The following ZSCAN5A variants were observed in gnomAD, a reference collection of about 807,000 sequenced individuals.
The protein encoded by ZSCAN5A is zinc finger and SCAN domain-containing protein 5A.
ZSCAN5A carries 12 observed loss-of-function variants against 23.7 expected under a neutral mutation model. The observed-to-expected ratio is 0.51, with a 90% CI of 0.32 to 0.82. The LOEUF is 0.82. Among genes scored for constraint, ZSCAN5A ranks in the 40% least tolerant of loss-of-function variants. The probability of loss-of-function intolerance (pLI) is 0.03; values close to 1 mark genes in which losing one functional copy is unlikely to be tolerated. For missense variants in ZSCAN5A, 597 were observed against 617.9 expected (o/e 0.97, Z 0.36); for synonymous variants, 257 against 239.9 (o/e 1.07, Z -0.66).
At chr19:56,270,714 G>C (rs2065003776) in intron 2 of ZSCAN5A, among the ~76,000 whole-genome samples, 1 of 151,754 alleles carries the variant, frequency 6.6e-6, no homozygotes, top group South Asian at 2.1e-4. Context: ...AGCACTAAAA[G>C]CTCATCACTT....
In ZSCAN5A at chr19:56,249,468, C is replaced by T. The variant is rs182740053; in HGVS notation, c.-127-24295G>A. 1.9e-3 allele frequency among the ~76,000 whole-genome samples: 289 copies of T among 152,288 alleles called. 1 individual carries two copies. Among genetic ancestry groups the T allele is most frequent in the African/African-American group, 6.5e-3 (271 of 41,556 alleles). Reference sequence around the variant, plus strand: ...TTTATTTTTAGTAGAGACAGGGTTTCGCCATGTTGGCCAGGCTGGTCTGGA... The same window carrying T: ...TTTATTTTTAGTAGAGACAGGGTTTTGCCATGTTGGCCAGGCTGGTCTGGA... On this transcript the variant is annotated intron_variant, in intron 2 of 5. Transcript: ENST00000683990.
Position 56,222,036 on chromosome 19 carries a change from GACTGAC to G in ZSCAN5A, c.1024_1029del (p.Val342_Ser343del), listed in dbSNP as rs1396834795. The G allele has an allele frequency of 5.9e-5, 96 of 1,614,114 alleles. No homozygotes were observed. The highest frequency in any genetic ancestry group is 8.1e-5 in the Non-Finnish European group (96 of 1,180,050). On this transcript the variant is annotated inframe_deletion, in exon 6 of 6. Coordinates refer to ENST00000683990, the MANE Select transcript of ZSCAN5A (RefSeq NM_001322064.3). ...GCCTTGGCTTCTTGGCCATCCGGGT[GACTGAC>G]TGGGCTCGCAGGGCCTGGGGAATGA... is the stretch of plus-strand genomic sequence containing the variant.
intron 2 of ZSCAN5A, chr19:56,266,551 G>A (rs1167190758): frequency 7.0e-6 from 1 of 141,882 alleles, no homozygotes; most frequent in African/African-American, 2.6e-5. Flanking sequence ...AGGCTGGAGA[G>A]CAGTGGCGCG....
intron 2 of ZSCAN5A, chr19:56,266,159 T>A (rs1329618637): frequency 6.6e-6 from 1 of 152,228 alleles, no homozygotes; most frequent in South Asian, 2.1e-4. Context: ...CTAATAGATA[T>A]GAAGTGCTTA....
intron 2 of ZSCAN5A, among the ~76,000 whole-genome samples, chr19:56,328,727 C>T (rs1376842178): frequency 3.3e-5 from 5 of 150,954 alleles, no homozygotes; most frequent in African/African-American, 9.8e-5. Context: ...TATGGCCAGG[C>T]GCGGTGGCTC....
At chr19:56,244,391 G>C in intron 2 of ZSCAN5A, 2 of 1,573,676 alleles carry the variant, frequency 1.3e-6, no homozygotes, top group Non-Finnish European at 1.7e-6. Flanking sequence ...AGACCTGGAG[G>C]ACCTGCTACG....
rs545966388 is a variant in ZSCAN5A at position 56,331,749 on chromosome 19, G to A, written c.-357-15481C>T. ...ATTACAGGCACCCGCCATCATGCCC[G>A]GCTAATTTTTGTATTTTGGTAGAGA... is the stretch of plus-strand genomic sequence containing the variant. On this transcript the variant is annotated intron_variant, in intron 2 of 6. Transcript: ENST00000587340. Among the ~76,000 whole-genome samples, 22 of 151,576 alleles carry A rather than the reference G, an allele frequency of 1.5e-4. No individual in the cohort carries two copies. In the South Asian group the frequency reaches 2.9e-3, roughly 20 times the overall value.
chr19:56,367,286 C>G (rs938325185), intron 1 of ZSCAN5A: 1 of 152,216 alleles, frequency 6.6e-6, no homozygotes, highest in African/African-American at 2.4e-5. Flanking sequence ...TCCAGGATGT[C>G]AAGCGGTCGT....
At chr19:56,279,782 T>C (rs527560402) in intron 2 of ZSCAN5A, among the ~76,000 whole-genome samples, 2 of 152,088 alleles carry the variant, frequency 1.3e-5, no homozygotes, top group South Asian at 4.2e-4. Context: ...CCTAAACAAA[T>C]GCAAACATCT....
intron 2 of ZSCAN5A, among the ~76,000 whole-genome samples, chr19:56,334,968 CTT>C (rs2147441134): frequency 6.6e-6 from 1 of 152,230 alleles, no homozygotes; most frequent in East Asian, 1.9e-4. Flanking sequence ...CAGAAGTAGA[CTT>C]CAGAATACGG....
intron 2 of ZSCAN5A, among the ~76,000 whole-genome samples, chr19:56,360,365 A>C (rs2041726902): frequency 6.6e-6 from 1 of 152,180 alleles, no homozygotes. Flanking sequence ...TACAGCTAAT[A>C]AGGGGAAGTG....
chr19:56,294,978 G>A (rs1267817891), intron 2 of ZSCAN5A: 1 of 152,238 alleles, frequency 6.6e-6, no homozygotes, highest in Admixed American at 6.5e-5. Flanking sequence ...CCGCGGGAGA[G>A]GGGGGTGAGC....
chr19:56,245,202 T>G (rs769440032), intron 2 of ZSCAN5A: 14 of 558,048 alleles, frequency 2.5e-5, no homozygotes, highest in African/African-American at 2.1e-4. Context: ...TGAGTCTGAT[T>G]GTCTTTTTTC....
intron 2 of ZSCAN5A, among the ~76,000 whole-genome samples, chr19:56,332,728 T>A (rs2147438714): frequency 6.6e-6 from 1 of 152,346 alleles, no homozygotes. Context: ...TGTAGGTTTT[T>A]ATTGGGTGGT....
chr19:56,228,868 C>T (rs1487486019), intron 2 of ZSCAN5A, among the ~76,000 whole-genome samples: 1 of 152,100 alleles, frequency 6.6e-6, no homozygotes, highest in Admixed American at 6.6e-5. Context: ...TTGAACTAGA[C>T]TAAATCAGTG....
chr19:56,323,335 A>C (rs569236362), intron 2 of ZSCAN5A, among the ~76,000 whole-genome samples: 3 of 151,942 alleles, frequency 2.0e-5, no homozygotes, highest in Non-Finnish European at 4.4e-5. Context: ...AGCTGGGACT[A>C]GGTGCATAGT....
chr19:56,341,918 A>C (rs1395107085), intron 2 of ZSCAN5A, among the ~76,000 whole-genome samples: 1 of 152,130 alleles, frequency 6.6e-6, no homozygotes, highest in Non-Finnish European at 1.5e-5. Context: ...AGAGAAAACC[A>C]AAACCCGTGA....
chr19:56,278,425 C>T (rs562362784), intron 2 of ZSCAN5A, among the ~76,000 whole-genome samples: 2 of 152,320 alleles, frequency 1.3e-5, no homozygotes, highest in Non-Finnish European at 2.9e-5. Context: ...TGAGCCGCCC[C>T]GCCCAGCCAC....
At chr19:56,295,048 T>A (rs2039772571) in intron 2 of ZSCAN5A, 1 of 152,238 alleles carries the variant, frequency 6.6e-6, no homozygotes, top group African/African-American at 2.4e-5. Context: ...GGCCAACGGG[T>A]ACACGGTTTC....
Sources: gnomAD v4.1 joint callset for allele counts (sites outside exome capture counted in the v4.1 genomes callset) on GRCh38, gnomAD v4.1.1 for gene constraint, MANE v1.5 for transcripts, NCBI Gene and HGNC (gene_info 2026-07-23, HGNC 2026-07-21) for gene names.